STXBP5: variants seen among roughly 807,000 people sequenced by gnomAD.
STXBP5 encodes syntaxin-binding protein 5.
STXBP5 carries 50 observed loss-of-function variants against 152.4 expected under a neutral mutation model. The observed-to-expected ratio is 0.33, with a 90% CI of 0.26 to 0.42. STXBP5 has a LOEUF of 0.42. STXBP5 is among the 10% of genes least tolerant of loss of function. STXBP5 has a pLI of 1.00. For missense variants in STXBP5, 1,167 were observed against 1,388.6 expected (o/e 0.84, Z 2.54); for synonymous variants, 492 against 494.7 (o/e 0.99, Z 0.07).
intron 9 of STXBP5, chr6:147,292,319 AAG>A (rs1781320319): frequency 4.5e-6 from 2 of 441,492 alleles, no homozygotes; most frequent in East Asian, 1.5e-4. Flanking sequence ...AATGAACTCT[AAG>A]AGGTGTATCA....
At chr6:147,261,719 G>GT (rs564934349) in intron 5 of STXBP5, among the ~76,000 whole-genome samples, 42 of 151,994 alleles carry the variant, frequency 2.8e-4, no homozygotes, top group Non-Finnish European at 5.9e-4. Context: ...TGTCTGTATA[G>GT]TTTCACAGAT....
chr6:147,365,755 A>G (rs1179149223), intron 25 of STXBP5, among the ~76,000 whole-genome samples: 3 of 152,200 alleles, frequency 2.0e-5, no homozygotes, highest in Non-Finnish European at 4.4e-5. Context: ...GTTGAAGACT[A>G]TGATGAACTT....
At chr6:147,231,394 CAT>C (rs2115152502) in intron 2 of STXBP5, among the ~76,000 whole-genome samples, 1 of 151,844 alleles carries the variant, frequency 6.6e-6, no homozygotes, top group South Asian at 2.1e-4. Context: ...AATTATCTGA[CAT>C]GTATCATGGG....
chr6:147,352,495 C>G (rs951087127), intron 21 of STXBP5, among the ~76,000 whole-genome samples: 2 of 152,172 alleles, frequency 1.3e-5, no homozygotes, highest in African/African-American at 4.8e-5. Flanking sequence ...CGTGTAATCC[C>G]AACTACTCAG....
intron 26 of STXBP5, among the ~76,000 whole-genome samples, chr6:147,380,069 A>C (rs1786001525): frequency 6.6e-6 from 1 of 152,046 alleles, no homozygotes; most frequent in Non-Finnish European, 1.5e-5. Context: ...ATTGATCTAC[A>C]CATTTAACAC....
intron 22 of STXBP5, among the ~76,000 whole-genome samples, chr6:147,356,416 G>T (rs1209299456): frequency 2.0e-5 from 3 of 151,624 alleles, no homozygotes; most frequent in Non-Finnish European, 4.4e-5. Context: ...TTTTAAAAAT[G>T]TATTTTGCTA....
chr6:147,347,876 A>G (rs1237660685), intron 21 of STXBP5, among the ~76,000 whole-genome samples: 2 of 152,240 alleles, frequency 1.3e-5, no homozygotes, highest in African/African-American at 4.8e-5. Context: ...AATATTTATT[A>G]GTGGCTATCT....
chr6:147,217,140 G>C (rs1777210656), intron 2 of STXBP5, among the ~76,000 whole-genome samples: 1 of 152,068 alleles, frequency 6.6e-6, no homozygotes, highest in African/African-American at 2.4e-5. Context: ...TATAAATCTG[G>C]CCGCATCAGC....
At chr6:147,303,074 A>G (rs549572396) in intron 9 of STXBP5, among the ~76,000 whole-genome samples, 1 of 152,314 alleles carries the variant, frequency 6.6e-6, no homozygotes, top group South Asian at 2.1e-4. Flanking sequence ...GTATCTGTGT[A>G]TACTTTAAAG....
intron 6 of STXBP5, among the ~76,000 whole-genome samples, chr6:147,264,621 C>A (rs1396469391): frequency 1.3e-5 from 2 of 152,068 alleles, no homozygotes; most frequent in African/African-American, 4.8e-5. Context: ...TCCACATACA[C>A]ACTAATGCTT....
chr6:147,272,542 T>C (rs1487748295), intron 7 of STXBP5, among the ~76,000 whole-genome samples: 1 of 152,170 alleles, frequency 6.6e-6, no homozygotes, highest in Non-Finnish European at 1.5e-5. Context: ...AGGTGTACAA[T>C]TTCAGATATT....
chr6:147,344,016 T>C (rs987032408), intron 21 of STXBP5, among the ~76,000 whole-genome samples: 3 of 152,196 alleles, frequency 2.0e-5, no homozygotes, highest in Non-Finnish European at 4.4e-5. Flanking sequence ...TTGCCCTTAA[T>C]TGGTCAAGAA....
intron 17 of STXBP5, among the ~76,000 whole-genome samples, chr6:147,325,468 G>T (rs1288488075): frequency 6.6e-6 from 1 of 152,178 alleles, no homozygotes; most frequent in Non-Finnish European, 1.5e-5. Context: ...ATGTTGAAGT[G>T]TAGTTGTGTA....
chr6:147,342,822 C>T (rs1412781867), intron 21 of STXBP5, among the ~76,000 whole-genome samples: 2 of 152,026 alleles, frequency 1.3e-5, no homozygotes, highest in African/African-American at 2.4e-5. Context: ...AAAATACAGC[C>T]TACATGCTAG....
At chr6:147,340,960 G>A (rs901529553) in intron 21 of STXBP5, among the ~76,000 whole-genome samples, 6 of 152,074 alleles carry the variant, frequency 3.9e-5, no homozygotes, top group African/African-American at 1.4e-4. Flanking sequence ...TTTGGGGAAA[G>A]CATGTTATGT....
At position 147,316,309 on chromosome 6, in the gene STXBP5, C is replaced by A. The variant is rs142531466; in HGVS notation, c.1704C>A (p.Pro568=). 6.2e-7 allele frequency: 1 copy of A among 1,613,750 alleles called. No homozygotes were observed. The highest frequency in any genetic ancestry group is 2.2e-5 in the East Asian group (1 of 44,846). Residue 568 remains proline (P), a synonymous_variant, in exon 16 of 28, where the codon CCC becomes CCA. Transcript: ENST00000321680. ...EGEQPPPLPT[P]VGGSNPQPIP... is the part of the protein sequence containing the mutation. ...AGCAGCCACCACCTTTGCCAACACC[C>A]GTGGGAGGGTCCAACCCTCAGCCCA...
At chr6:147,229,218 T>G (rs1427402247) in intron 2 of STXBP5, among the ~76,000 whole-genome samples, 1 of 152,110 alleles carries the variant, frequency 6.6e-6, no homozygotes, top group Non-Finnish European at 1.5e-5. Flanking sequence ...AAAACATATT[T>G]AAGAATATCG....
intron 9 of STXBP5, 24 bp from the exon 10 acceptor site, chr6:147,310,060 T>C (rs1469096749): frequency 3.5e-6 from 5 of 1,448,452 alleles, no homozygotes; most frequent in Admixed American, 5.0e-5. Flanking sequence ...CCATTAATAA[T>C]CTTAATATGT....
intron 2 of STXBP5, among the ~76,000 whole-genome samples, chr6:147,228,038 C>G (rs796839132): frequency 5.9e-5 from 9 of 152,180 alleles, no homozygotes; most frequent in African/African-American, 1.9e-4. Context: ...CTTCTCTAAG[C>G]TGGGCCAGTG....
Sources: allele counts gnomAD v4.1 joint callset (sites outside exome capture counted in the v4.1 genomes callset), GRCh38; gene constraint gnomAD v4.1.1; transcripts MANE v1.5; gene names NCBI Gene and HGNC (gene_info 2026-07-23, HGNC 2026-07-21).